The following JAZF1 variants were observed in gnomAD, a reference collection of about 807,000 sequenced individuals.
JAZF1 encodes the protein JAZF zinc finger 1, also known as juxtaposed with another zinc finger protein 1.
Under a neutral mutation model 26.4 loss-of-function variants are expected in JAZF1, and 8 were observed. The ratio of observed to expected loss-of-function variants is 0.30; its 90% CI spans 0.18 to 0.55. The LOEUF is 0.55. Among genes scored for constraint, JAZF1 ranks in the 20% least tolerant of loss-of-function variants. The pLI is 0.94. For missense variants in JAZF1, 199 were observed against 322.0 expected (o/e 0.62, Z 2.92); for synonymous variants, 126 against 122.3 (o/e 1.03, Z -0.20).
chr7:28,096,094 T>C (rs1784380285), intron 1 of JAZF1, among the ~76,000 whole-genome samples: 1 of 152,110 alleles, frequency 6.6e-6, no homozygotes, highest in African/African-American at 2.4e-5. Context: ...TTCCATAGCA[T>C]CAAGGATGGC....
chr7:27,947,818 G>A (rs1167481207), intron 2 of JAZF1, among the ~76,000 whole-genome samples: 11 of 151,930 alleles, frequency 7.2e-5, no homozygotes, highest in Admixed American at 3.3e-4. Context: ...CCACCTGGCT[G>A]CTCACAGCAC....
At chr7:28,139,056 T>A (rs1404991516) in intron 1 of JAZF1, among the ~76,000 whole-genome samples, 1 of 152,184 alleles carries the variant, frequency 6.6e-6, no homozygotes, top group East Asian at 1.9e-4. Context: ...ATCAGGGGCC[T>A]GGTACTAGTT....
chr7:27,891,643 A>G (rs1420841084), intron 3 of JAZF1, among the ~76,000 whole-genome samples: 1 of 151,924 alleles, frequency 6.6e-6, no homozygotes, highest in East Asian at 1.9e-4. Context: ...CCTGGGCAAC[A>G]TAGCAAGACC....
At chr7:28,018,160 G>A (rs1583511614) in intron 1 of JAZF1, among the ~76,000 whole-genome samples, 2 of 152,298 alleles carry the variant, frequency 1.3e-5, no homozygotes, top group South Asian at 2.1e-4. Flanking sequence ...GGGGTAGAAC[G>A]AGCCAGCGAG....
At chr7:27,873,576 C>T (rs878893075) in intron 3 of JAZF1, among the ~76,000 whole-genome samples, 2 of 152,190 alleles carry the variant, frequency 1.3e-5, no homozygotes, top group African/African-American at 4.8e-5. Context: ...TCTTGAAAAC[C>T]TCTCAAATGC....
At chr7:28,091,712 G>A (rs1156491289) in intron 1 of JAZF1, among the ~76,000 whole-genome samples, 1 of 151,522 alleles carries the variant, frequency 6.6e-6, no homozygotes, top group Non-Finnish European at 1.5e-5. Flanking sequence ...TCTGTTTAAT[G>A]TAAACTTTAT....
chr7:27,967,174 C>A (rs1197901027), intron 2 of JAZF1, among the ~76,000 whole-genome samples: 1 of 152,072 alleles, frequency 6.6e-6, no homozygotes, highest in Non-Finnish European at 1.5e-5. Context: ...GAAAGAAATT[C>A]AACTAGCTGC....
At chr7:28,102,606 A>AG (rs397799136) in intron 1 of JAZF1, among the ~76,000 whole-genome samples, 10 of 151,414 alleles carry the variant, frequency 6.6e-5, no homozygotes, top group Non-Finnish European at 1.3e-4. Flanking sequence ...TTGAAAAAAA[A>AG]TGTCTGCATA....
intron 2 of JAZF1, among the ~76,000 whole-genome samples, chr7:27,953,295 T>A (rs2128355265): frequency 6.6e-6 from 1 of 152,346 alleles, no homozygotes; most frequent in Admixed American, 6.5e-5. Flanking sequence ...GGCTTTTTGT[T>A]AACTATAGCC....
chr7:28,119,866 C>T (rs530592035), intron 1 of JAZF1, among the ~76,000 whole-genome samples: 1 of 152,348 alleles, frequency 6.6e-6, no homozygotes, highest in South Asian at 2.1e-4. Flanking sequence ...CCTTACCCCA[C>T]TAGTCCCCTA....
chr7:27,934,835 A>C (rs1784742696), intron 2 of JAZF1, among the ~76,000 whole-genome samples: 1 of 152,232 alleles, frequency 6.6e-6, no homozygotes, highest in Non-Finnish European at 1.5e-5. Flanking sequence ...ACAAGTGACA[A>C]AAGAAAAAAC....
At position 27,976,810 on chromosome 7, in the gene JAZF1, A is replaced by G. The variant is rs556432619; in HGVS notation, c.188+15099T>C. Among the ~76,000 whole-genome samples, 4 of 152,340 alleles carry G rather than the reference A, an allele frequency of 2.6e-5. No homozygotes were observed. The East Asian group carries it at 5.8e-4, about 22-fold the overall frequency. The stretch of plus-strand genomic sequence containing the variant: ...CACTCAGCTAATTATAGCATTTTTT[A>G]TGAGGCTATGGCTGACTAAAATCTG... On this transcript the variant is annotated intron_variant, in intron 2 of 4. Transcript: ENST00000283928.
chr7:27,864,625 AC>A (rs1783442474), intron 3 of JAZF1, among the ~76,000 whole-genome samples: 1 of 152,178 alleles, frequency 6.6e-6, no homozygotes, highest in Non-Finnish European at 1.5e-5. Context: ...AGAGAAAGAA[AC>A]CACCTGAGTA....
intron 1 of JAZF1, among the ~76,000 whole-genome samples, chr7:28,038,355 T>C (rs1398965761): frequency 1.3e-5 from 2 of 152,204 alleles, no homozygotes; most frequent in Admixed American, 6.5e-5. Context: ...CAGGGTTTTA[T>C]GATTCTGACA....
chr7:27,877,489 C>T (rs561675621), intron 3 of JAZF1, among the ~76,000 whole-genome samples: 3 of 152,158 alleles, frequency 2.0e-5, no homozygotes, highest in Admixed American at 1.3e-4. Context: ...TTTTACAGGG[C>T]CAATAGAGGT....
chr7:28,093,223 C>T (rs549314494), intron 1 of JAZF1, among the ~76,000 whole-genome samples: 65 of 152,240 alleles, frequency 4.3e-4, no homozygotes, highest in African/African-American at 1.5e-3. Flanking sequence ...GTGGGAGGGA[C>T]CAGGTGGGAG....
chr7:27,861,934 C>T (rs1783388843), intron 3 of JAZF1, among the ~76,000 whole-genome samples: 1 of 152,206 alleles, frequency 6.6e-6, no homozygotes. Flanking sequence ...GATGGAGTCT[C>T]TTCCTCAGCC....
At chr7:28,092,117 G>A (rs1356030068) in intron 1 of JAZF1, among the ~76,000 whole-genome samples, 1 of 151,626 alleles carries the variant, frequency 6.6e-6, no homozygotes, top group African/African-American at 2.4e-5. Context: ...ACATATATAT[G>A]TAAACACAAT....
At chr7:27,947,653 A>G (rs1784940429) in intron 2 of JAZF1, among the ~76,000 whole-genome samples, 1 of 152,200 alleles carries the variant, frequency 6.6e-6, no homozygotes, top group South Asian at 2.1e-4. Context: ...AAACATAGTG[A>G]ATTTCTCCTG....
Sources: gnomAD v4.1 joint callset for allele counts (sites outside exome capture counted in the v4.1 genomes callset) on GRCh38, gnomAD v4.1.1 for gene constraint, MANE v1.5 for transcripts, NCBI Gene and HGNC (gene_info 2026-07-23, HGNC 2026-07-21) for gene names.